The following UQCRC2 variants were observed in gnomAD, a reference collection of about 807,000 sequenced individuals.
The protein encoded by UQCRC2 is ubiquinol-cytochrome c reductase core protein 2.
In UQCRC2, 49 loss-of-function variants were observed where a neutral mutation model predicts 55.6. The ratio of observed to expected loss-of-function variants is 0.88; its 90% CI spans 0.70 to 1.12. UQCRC2 has a LOEUF of 1.12. Among genes scored for constraint, UQCRC2 ranks in the 50% most tolerant of loss-of-function variants. The probability of loss-of-function intolerance (pLI) is 0.00; values close to 1 mark genes in which losing one functional copy is unlikely to be tolerated. For synonymous variants in UQCRC2, 193 were observed against 192.0 expected (o/e 1.01, Z -0.04); for missense variants, 506 against 547.8 (o/e 0.92, Z 0.76).
At chr16:21,977,186 T>C (rs555319785) in intron 12 of UQCRC2, among the ~76,000 whole-genome samples, 1 of 152,200 alleles carries the variant, frequency 6.6e-6, no homozygotes, top group East Asian at 1.9e-4. Context: ...ACACTGTCTT[T>C]ACAAAAAGAT....
chr16:21,976,369 A>G (rs1898586113), intron 12 of UQCRC2, 126 bp downstream of exon 12: 2 of 795,394 alleles, frequency 2.5e-6, no homozygotes, highest in African/African-American at 1.8e-5. Flanking sequence ...TAAAAAGGGA[A>G]ACATACCCAT....
Position 21,980,601 on chromosome 16 carries a change from G to A in UQCRC2, c.1179G>A (p.Leu393=). 6.2e-7 allele frequency: 1 copy of A among 1,614,154 alleles called. No homozygotes were observed. Among genetic ancestry groups the A allele is most frequent in the Non-Finnish European group, 8.5e-7 (1 of 1,180,034 alleles). ...LMSVESSECF[L]EEVGSQALVA... The stretch of plus-strand genomic sequence containing the variant: ...CAGTGGAGTCTTCTGAGTGTTTCCT[G>A]GAAGAAGTCGGGTCCCAGGCTCTAG... Residue 393 remains leucine, a synonymous_variant, in exon 13 of 14, where the codon CTG becomes CTA. Coordinates refer to ENST00000268379, the MANE Select transcript of UQCRC2 (RefSeq NM_003366.4).
rs561462843 is a variant in UQCRC2, at chr16:21,972,690, C to T, written c.966+568C>T. 4.6e-5 allele frequency among the ~76,000 whole-genome samples: 7 copies of T among 152,224 alleles called. 1 individual carries two copies. The Middle Eastern group carries it at 0.01, about 222-fold the overall frequency. Reference sequence around the variant, plus strand: ...AGGAGTTCGAGACCAGCCTGGCCAACGTGGTGAAACCCCCATCTCTCCTAA... The same window carrying T: ...AGGAGTTCGAGACCAGCCTGGCCAATGTGGTGAAACCCCCATCTCTCCTAA... On this transcript the variant is annotated intron_variant, in intron 10 of 13. Transcript: ENST00000268379.
intron 8 of UQCRC2, among the ~76,000 whole-genome samples, chr16:21,969,609 A>G (rs1296723907): frequency 6.6e-6 from 1 of 152,188 alleles, no homozygotes; most frequent in Non-Finnish European, 1.5e-5. Flanking sequence ...ACATTAGGTC[A>G]AGTTTACAAA....
chr16:21,971,421 G>T, intron 8 of UQCRC2, 104 bp from the exon 9 acceptor site: 1 of 905,756 alleles, frequency 1.1e-6, no homozygotes, highest in Non-Finnish European at 1.7e-6. Flanking sequence ...TTATTTTGTA[G>T]TGTTAGGATT....
chr16:21,961,432 AGT>A, intron 4 of UQCRC2: 1 of 289,172 alleles, frequency 3.5e-6, no homozygotes, highest in Middle Eastern at 4.0e-4. Flanking sequence ...GGCAAAATAG[AGT>A]GTGAACAAGC....
At chr16:21,981,541 C>T (rs542939710) in intron 13 of UQCRC2, among the ~76,000 whole-genome samples, 3 of 152,074 alleles carry the variant, frequency 2.0e-5, no homozygotes, top group South Asian at 4.2e-4. Flanking sequence ...ATTGCTTGAG[C>T]CCAGGAGTTC....
chr16:21,975,761 G>GT (rs1898568256), intron 11 of UQCRC2, among the ~76,000 whole-genome samples: 1 of 152,146 alleles, frequency 6.6e-6, no homozygotes, highest in Non-Finnish European at 1.5e-5. Flanking sequence ...GTCTGGGGAA[G>GT]TTTTAAAGGT....
chr16:21,957,649 T>C, intron 3 of UQCRC2, 83 bp downstream of exon 3: 4 of 1,533,914 alleles, frequency 2.6e-6, no homozygotes, highest in Non-Finnish European at 3.5e-6. Flanking sequence ...ATCAATGTCT[T>C]TATATTTTGA....
chr16:21,974,292 T>G (rs1357681217), intron 11 of UQCRC2, among the ~76,000 whole-genome samples: 1 of 152,160 alleles, frequency 6.6e-6, no homozygotes, highest in African/African-American at 2.4e-5. Context: ...TTGCAAGTCT[T>G]CAGTGTAGAG....
chr16:21,962,739 C>T, intron 5 of UQCRC2, 22 bp from the exon 6 acceptor site: 1 of 1,613,810 alleles, frequency 6.2e-7, no homozygotes, highest in Non-Finnish European at 8.5e-7. Flanking sequence ...ACTCATAATT[C>T]TTATCTCGAT....
At chr16:21,962,355 T>G in intron 4 of UQCRC2, 105 bp from the exon 5 acceptor site, 5 of 1,380,358 alleles carry the variant, frequency 3.6e-6, no homozygotes, top group Non-Finnish European at 5.1e-6. Context: ...GCACCTTTTA[T>G]ACTTCAGAAA....
At chr16:21,961,364 C>A (rs1006700544) in intron 4 of UQCRC2, 2 of 443,058 alleles carry the variant, frequency 4.5e-6, no homozygotes, top group Non-Finnish European at 9.1e-6. Context: ...ATGATGAGAC[C>A]ACTATACAGC....
In UQCRC2 at chr16:21,962,751, T is replaced by A. The variant is rs1442420919; in HGVS notation, c.390-10T>A. 6.2e-7 allele frequency: 1 copy of A among 1,613,988 alleles called. No individual in the cohort carries two copies. The highest frequency in any genetic ancestry group is 1.7e-5 in the Admixed American group (1 of 60,000). On this transcript the variant is annotated splice_polypyrimidine_tract_variant and intron_variant, in intron 5 of 13. Transcript: ENST00000268379. ...TTGACTCATAATTCTTATCTCGATGTCTTCTGTAGTGATATTCTAATGGAG... is the reference window on the plus strand; with the variant it reads ...TTGACTCATAATTCTTATCTCGATGACTTCTGTAGTGATATTCTAATGGAG...
chr16:21,960,557 A>C (rs933475410), intron 4 of UQCRC2, among the ~76,000 whole-genome samples: 2 of 152,200 alleles, frequency 1.3e-5, no homozygotes, highest in African/African-American at 4.8e-5. Flanking sequence ...CAAGAACTGC[A>C]CTGGTGCAAG....
In UQCRC2 at chr16:21,971,588, G is replaced by A. The variant is rs1287685921; in HGVS notation, c.734G>A (p.Gly245Asp). 1 of 1,614,168 alleles carries A rather than the reference G, an allele frequency of 6.2e-7. No homozygotes were observed. Among genetic ancestry groups the A allele is most frequent in the Admixed American group, 1.7e-5 (1 of 60,018 alleles). ...TTTCTCAACATGAGGGGTGGGCTTG[G>A]TTTATCTGGTGCAAAGGCCAACTAC... ...EQFLNMRGGL[G>D]LSGAKANYRG... The change falls in exon 9 of 14, where the codon GGT (glycine) becomes GAT (aspartate). Residue 245 changes from glycine (G) to aspartate (D), a missense_variant. Transcript: ENST00000268379.
chr16:21,967,032 G>A, intron 7 of UQCRC2, among the ~76,000 whole-genome samples: 1 of 152,028 alleles, frequency 6.6e-6, no homozygotes. Context: ...TAAAAGGTAT[G>A]TATGTATGCA....
At chr16:21,967,257 C>T (rs1233607174) in intron 7 of UQCRC2, among the ~76,000 whole-genome samples, 2 of 152,124 alleles carry the variant, frequency 1.3e-5, no homozygotes, top group Non-Finnish European at 2.9e-5. Context: ...TTTTAGGGCA[C>T]GGATTATGAT....
intron 8 of UQCRC2, 53 bp from the exon 9 acceptor site, chr16:21,971,472 A>G (rs370041312): frequency 5.7e-6 from 8 of 1,401,058 alleles, no homozygotes; most frequent in African/African-American, 4.3e-5. Flanking sequence ...ATATTTTACG[A>G]TTGTGTTTTA....
Sources: gnomAD v4.1 joint callset for allele counts (sites outside exome capture counted in the v4.1 genomes callset) on GRCh38, gnomAD v4.1.1 for gene constraint, MANE v1.5 for transcripts, NCBI Gene and HGNC (gene_info 2026-07-23, HGNC 2026-07-21) for gene names.